Variants in CACNA1C observed in about 807,000 individuals in gnomAD.
CACNA1C encodes voltage-dependent L-type calcium channel subunit alpha-1C.
CACNA1C carries 30 observed loss-of-function variants against 229.0 expected under a neutral mutation model. That is an observed-to-expected ratio of 0.13 (90% CI 0.10 to 0.18). CACNA1C has a LOEUF of 0.18. Ranked by LOEUF, CACNA1C falls within the 10% of genes least tolerant of loss-of-function variation. CACNA1C has a pLI of 1.00. For missense variants in CACNA1C, 1,658 were observed against 2,845.0 expected (o/e 0.58, Z 9.49); for synonymous variants, 1,114 against 1,132.5 (o/e 0.98, Z 0.33).
intron 43 of CACNA1C, among the ~76,000 whole-genome samples, chr12:2,683,292 C>T (rs1162460579): frequency 1.3e-5 from 2 of 152,178 alleles, no homozygotes. Flanking sequence ...CAAAGGTAAG[C>T]GCTGTGCTGG....
At chr12:2,527,265 C>T (rs187400087) in intron 9 of CACNA1C, among the ~76,000 whole-genome samples, 6 of 152,240 alleles carry the variant, frequency 3.9e-5, no homozygotes, top group South Asian at 2.1e-4. Context: ...AGAGGTCAAG[C>T]GAAGACAAAC....
chr12:2,365,995 T>A (rs2097709224), intron 3 of CACNA1C, among the ~76,000 whole-genome samples: 1 of 152,196 alleles, frequency 6.6e-6, no homozygotes, highest in Admixed American at 6.5e-5. Flanking sequence ...AAATAAAGCA[T>A]ACATGTCCTC....
intron 2 of CACNA1C, among the ~76,000 whole-genome samples, chr12:2,116,010 C>T (rs1486057808): frequency 6.6e-6 from 1 of 152,160 alleles, no homozygotes; most frequent in Non-Finnish European, 1.5e-5. Flanking sequence ...GGTGAAGGGG[C>T]TCAGGAGATG....
chr12:2,651,643 G>A lies in CACNA1C; in HGVS notation c.3949G>A (p.Ala1317Thr), dbSNP rs749588699. ...EHTQCSPSMN[A>T]EENSRISITF... ...TCCTGTTGCCGACGGGTTCCAGAACGCAGAGGAAAACTCCCGCATCTCCAT... is the reference window on the plus strand; with the variant it reads ...TCCTGTTGCCGACGGGTTCCAGAACACAGAGGAAAACTCCCGCATCTCCAT... The change falls in exon 32 of 47, where the codon GCA becomes ACA. Residue 1317 changes from alanine to threonine, a missense_variant. This residue lies in a region of CACNA1C where 38 missense variants were observed against 53.3 expected (regional missense o/e 0.71). Transcript: ENST00000399655. The surrounding 1 kb of genome is among the most constrained non-coding windows in gnomAD (Gnocchi z 5.4). The A allele has an allele frequency of 9.3e-6, 15 of 1,613,794 alleles. No individual in the cohort carries two copies. The highest frequency in any genetic ancestry group is 6.7e-5 in the Admixed American group (4 of 60,002).
Position 2,309,384 on chromosome 12 carries a change from G to A in CACNA1C, c.478-139592G>A, listed in dbSNP as rs189889566. Among the ~76,000 whole-genome samples the A allele has an allele frequency of 5.9e-3, 900 of 152,198 alleles. 21 individuals carry two copies. The highest frequency in any genetic ancestry group is 2.5e-3 in the Non-Finnish European group (173 of 68,006). On this transcript the variant is annotated intron_variant, in intron 3 of 46. Coordinates refer to ENST00000399655, the MANE Select transcript of CACNA1C (RefSeq NM_000719.7). Reference sequence around the variant, plus strand: ...GGAGATGGGGAAGGGTTATAAACTTGGCAATCTAATGTACAGCATGGTGAC... The same window carrying A: ...GGAGATGGGGAAGGGTTATAAACTTAGCAATCTAATGTACAGCATGGTGAC...
At chr12:2,520,865 A>G (rs560414668) in intron 9 of CACNA1C, among the ~76,000 whole-genome samples, 2 of 152,338 alleles carry the variant, frequency 1.3e-5, no homozygotes, top group East Asian at 3.9e-4. Flanking sequence ...TCATTGACCA[A>G]TGGCCGTGTG....
chr12:2,066,801 G>GT (rs1487019867), intron 1 of CACNA1C, among the ~76,000 whole-genome samples: 7 of 152,100 alleles, frequency 4.6e-5, no homozygotes, highest in Non-Finnish European at 1.0e-4. Flanking sequence ...TGTCTTCAGA[G>GT]GCAGACATGC....
chr12:2,417,908 G>A (rs1438157473), intron 3 of CACNA1C, among the ~76,000 whole-genome samples: 5 of 151,782 alleles, frequency 3.3e-5, no homozygotes, highest in African/African-American at 1.2e-4. Context: ...CATTCTTCTA[G>A]CTGCATATTC....
At chr12:2,472,334 C>A (rs992576877) in intron 5 of CACNA1C, among the ~76,000 whole-genome samples, 1 of 152,106 alleles carries the variant, frequency 6.6e-6, no homozygotes, top group South Asian at 2.1e-4. Context: ...TTCCACAGAT[C>A]AGTTCATTTC....
intron 11 of CACNA1C, among the ~76,000 whole-genome samples, chr12:2,565,484 A>G (rs1391574893): frequency 3.3e-5 from 5 of 151,024 alleles, no homozygotes; most frequent in Non-Finnish European, 7.4e-5. Flanking sequence ...AGAAAAAAAA[A>G]AAAAAAAAAA....
chr12:2,453,241 C>T (rs1693423772), intron 4 of CACNA1C, among the ~76,000 whole-genome samples: 1 of 152,160 alleles, frequency 6.6e-6, no homozygotes. Context: ...CCTCATCGCT[C>T]AGCCCTGCCT....
At chr12:2,541,909 G>A (rs1301707249) in intron 9 of CACNA1C, among the ~76,000 whole-genome samples, 2 of 152,132 alleles carry the variant, frequency 1.3e-5, no homozygotes, top group Non-Finnish European at 2.9e-5. Flanking sequence ...TTGCTCTGGT[G>A]CCACTCAGTC....
intron 3 of CACNA1C, among the ~76,000 whole-genome samples, chr12:2,405,021 T>C (rs1312992313): frequency 6.6e-6 from 1 of 152,166 alleles, no homozygotes; most frequent in African/African-American, 2.4e-5. Context: ...TACCTCTGTT[T>C]CCCCACCTGA....
At chr12:2,451,061 T>G (rs1224966711) in intron 4 of CACNA1C, among the ~76,000 whole-genome samples, 1 of 152,196 alleles carries the variant, frequency 6.6e-6, no homozygotes, top group Non-Finnish European at 1.5e-5. Flanking sequence ...ATGACGCACT[T>G]TGGCCACATG....
chr12:2,538,749 T>C (rs16929521), intron 9 of CACNA1C, among the ~76,000 whole-genome samples: 5,423 of 152,296 alleles, frequency 0.036, 303 homozygotes, highest in African/African-American at 0.12. Flanking sequence ...TGACAATACA[T>C]ATGGCCACGT....
intron 3 of CACNA1C, among the ~76,000 whole-genome samples, chr12:2,145,614 G>A (rs2094628959): frequency 6.6e-6 from 1 of 151,356 alleles, no homozygotes; most frequent in Admixed American, 6.6e-5. Flanking sequence ...TGTGTACCAG[G>A]CACTGGGCAA....
intron 13 of CACNA1C, among the ~76,000 whole-genome samples, chr12:2,576,166 G>A (rs147037810): frequency 1.8e-3 from 275 of 152,326 alleles, no homozygotes; most frequent in Middle Eastern, 3.4e-3. Context: ...CCTCAGATGT[G>A]CTGTACTTTT....
intron 9 of CACNA1C, among the ~76,000 whole-genome samples, chr12:2,526,457 T>C (rs920498281): frequency 1.3e-5 from 2 of 152,208 alleles, no homozygotes; most frequent in African/African-American, 4.8e-5. Context: ...TGCTCAAAGG[T>C]AGCATCATGG....
intron 3 of CACNA1C, among the ~76,000 whole-genome samples, chr12:2,194,247 A>C (rs1485363085): frequency 1.1e-3 from 79 of 72,936 alleles, no homozygotes; most frequent in South Asian, 2.3e-3. Context: ...TTCCTCCTCC[A>C]CTGCCTCCTC....
Sources: gnomAD v4.1 joint callset for allele counts (sites outside exome capture counted in the v4.1 genomes callset) on GRCh38, gnomAD v4.1.1 for gene constraint, gnomAD v4.1.1 regional missense constraint, Gnocchi (gnomAD v3.1) non-coding constraint, MANE v1.5 for transcripts, NCBI Gene and HGNC (gene_info 2026-07-23, HGNC 2026-07-21) for gene names.